Variants in CCDC85C observed in about 807,000 individuals in gnomAD.
The protein encoded by CCDC85C is coiled-coil domain-containing protein 85C.
Under a neutral mutation model 38.3 loss-of-function variants are expected in CCDC85C, and 18 were observed. The ratio of observed to expected loss-of-function variants is 0.47; its 90% CI spans 0.33 to 0.70. The LOEUF (loss-of-function observed/expected upper bound fraction) is 0.70. CCDC85C is among the 30% of genes least tolerant of loss of function. CCDC85C has a pLI of 0.03. For synonymous variants in CCDC85C, 264 were observed against 293.8 expected (o/e 0.90, Z 1.04); for missense variants, 566 against 621.2 (o/e 0.91, Z 0.94).
At chr14:99,537,487 C>T (rs541509557) in intron 1 of CCDC85C, among the ~76,000 whole-genome samples, 2 of 152,134 alleles carry the variant, frequency 1.3e-5, no homozygotes, top group Non-Finnish European at 2.9e-5. Context: ...AGCCCTGGAC[C>T]AGGCCTAGGG....
chr14:99,586,476 G>C (rs1406229191), intron 1 of CCDC85C, among the ~76,000 whole-genome samples: 1 of 152,222 alleles, frequency 6.6e-6, no homozygotes, highest in Non-Finnish European at 1.5e-5. Flanking sequence ...ACTTGTCTGA[G>C]CACCACACTA....
In CCDC85C at chr14:99,603,660, C is replaced by T. The variant is rs1465927055; in HGVS notation, c.300G>A (p.Lys100=). ...CGAAGCGCTGCCACTCGCGCGCCAGCTTGCGCCCCTTCTGCCGGTCGTCGT... is the reference window on the plus strand; with the variant it reads ...CGAAGCGCTGCCACTCGCGCGCCAGTTTGCGCCCCTTCTGCCGGTCGTCGT... ...FLDDDRQKGR[K]LAREWQRFGR... The change falls in exon 1 of 6, where the codon AAG becomes AAA. Residue 100 remains lysine (K), a synonymous_variant. Coordinates refer to ENST00000380243, the MANE Select transcript of CCDC85C (RefSeq NM_001144995.2). This position sits in a 1 kb window ranked among gnomAD's most constrained non-coding sequence, Gnocchi z 7.5. 1 of 1,490,342 alleles carries T rather than the reference C, an allele frequency of 6.7e-7. No individual in the cohort carries two copies. The highest frequency in any genetic ancestry group is 8.9e-7 in the Non-Finnish European group (1 of 1,121,860). The allele number at this position is 1,490,342 out of a possible 1,614,324, so 92.3% of individuals were successfully genotyped here. A position where few individuals can be genotyped will look rare whatever the true frequency, so the allele number is the denominator to read the frequency against.
At chr14:99,599,032 C>A (rs1310999747) in intron 1 of CCDC85C, among the ~76,000 whole-genome samples, 4 of 152,118 alleles carry the variant, frequency 2.6e-5, no homozygotes, top group African/African-American at 9.7e-5. Context: ...TAACCCACCC[C>A]ATTGTCTTCA....
chr14:99,573,804 C>G (rs1013058994), intron 1 of CCDC85C, among the ~76,000 whole-genome samples: 1 of 152,192 alleles, frequency 6.6e-6, no homozygotes, highest in Admixed American at 6.5e-5. Context: ...ACAACCCACC[C>G]AATCCCTCTG....
intron 2 of CCDC85C, among the ~76,000 whole-genome samples, chr14:99,523,400 C>T (rs1897328751): frequency 6.6e-6 from 1 of 152,106 alleles, no homozygotes; most frequent in Non-Finnish European, 1.5e-5. Context: ...CTCCCAGCCC[C>T]ATCAGAGCCC....
chr14:99,603,423 G>A lies in CCDC85C; in HGVS notation c.537C>T (p.Ser179=). 1 of 1,266,874 alleles carries A rather than the reference G, an allele frequency of 7.9e-7. No individual in the cohort carries two copies. Among genetic ancestry groups the A allele is most frequent in the Non-Finnish European group, 9.9e-7 (1 of 1,009,938 alleles). 78.5% of individuals were successfully genotyped at this position (1,266,874 alleles called of 1,614,324 possible). A position where few individuals can be genotyped will look rare whatever the true frequency, so the allele number is the denominator to read the frequency against. Residue 179 remains serine (S), a synonymous_variant, in exon 1 of 6, where the codon TCC becomes TCT. Transcript: ENST00000380243. This position sits in a 1 kb window ranked among gnomAD's most constrained non-coding sequence, Gnocchi z 7.5. ...GGGGGAGSRS[S]IDSQASLSGP... ...CGCTCAGGCTGGCCTGGCTGTCGAT[G>A]GAGCTGCGGGAGCCGGCGCCGCCCC...
chr14:99,546,832 T>C (rs143166409), intron 1 of CCDC85C, among the ~76,000 whole-genome samples: 3,482 of 152,088 alleles, frequency 0.023, 64 homozygotes, highest in Non-Finnish European at 0.029. Context: ...CCTCACACCA[T>C]ATACAGAAAA....
chr14:99,591,875 C>T (rs1417808166), intron 1 of CCDC85C, among the ~76,000 whole-genome samples: 1 of 152,016 alleles, frequency 6.6e-6, no homozygotes, highest in East Asian at 1.9e-4. Flanking sequence ...ACTGGGATTA[C>T]AGGCATGTAC....
Position 99,535,814 on chromosome 14 carries a change from A to G in CCDC85C, c.867+201T>C, listed in dbSNP as rs1384430246. Among the ~76,000 whole-genome samples, 1 of 152,160 alleles carries G rather than the reference A, an allele frequency of 6.6e-6. No homozygotes were observed. Among genetic ancestry groups the G allele is most frequent in the African/African-American group, 2.4e-5 (1 of 41,444 alleles). ...GGAGCTCGCATACTGGGCAGTCAGC[A>G]TGGAAGGTTGGGCAGAGGGAAGCCC... is the stretch of plus-strand genomic sequence containing the variant. On this transcript the variant is annotated intron_variant, in intron 2 of 5. Transcript: ENST00000380243. This position sits in a 1 kb window ranked among gnomAD's most constrained non-coding sequence, Gnocchi z 5.5.
In CCDC85C at chr14:99,522,201, A is replaced by G. The variant is rs1897312452; in HGVS notation, c.907T>C (p.Phe303Leu). The G allele has an allele frequency of 6.4e-7, 1 of 1,550,688 alleles. No individual in the cohort carries two copies. Among genetic ancestry groups the G allele is most frequent in the East Asian group, 2.4e-5 (1 of 40,898 alleles). ...SGEFRTLRKGFSPYHSESQLA... is the reference protein window; with the variant it reads ...SGEFRTLRKGLSPYHSESQLA... ...TGGGACTCCGAGTGGTAGGGCGAGAAGCCTTTCCGCAGCGTGCGGAACTCT... is the reference window on the plus strand; with the variant it reads ...TGGGACTCCGAGTGGTAGGGCGAGAGGCCTTTCCGCAGCGTGCGGAACTCT... Residue 303 changes from phenylalanine to leucine, a missense_variant, in exon 3 of 6, where the codon TTC becomes CTC. Physicochemically the swap from Phe to Leu is conservative, Grantham distance 22. Around this residue, in one of 3 missense-constraint regions of CCDC85C, gnomAD observed 286 missense variants for 276.4 expected, o/e 1.03. Coordinates refer to ENST00000380243, the MANE Select transcript of CCDC85C (RefSeq NM_001144995.2).
Position 99,572,133 on chromosome 14 carries a change from C to T in CCDC85C, c.793+31034G>A, listed in dbSNP as rs1323038655. 6.6e-6 allele frequency among the ~76,000 whole-genome samples: 1 copy of T among 152,186 alleles called. No homozygotes were observed. The highest frequency in any genetic ancestry group is 1.5e-5 in the Non-Finnish European group (1 of 68,024). On this transcript the variant is annotated intron_variant, in intron 1 of 5. Transcript: ENST00000380243. This position sits in a 1 kb window ranked among gnomAD's most constrained non-coding sequence, Gnocchi z 4.4. ...CGGCAAGGGCCAGATTCCCCACATA[C>T]CCTCCCAAGCCTGAGGGCTCAAATT...
Position 99,558,596 on chromosome 14 carries a change from G to A in CCDC85C, c.794-22508C>T, listed in dbSNP as rs1239083943. ...AGATTGTGCCACTGCACTCCAGCCT[G>A]GAGATAGAGCGAGACTCTGTCTCAA... is the stretch of plus-strand genomic sequence containing the variant. On this transcript the variant is annotated intron_variant, in intron 1 of 5. Coordinates refer to ENST00000380243, the MANE Select transcript of CCDC85C (RefSeq NM_001144995.2). The surrounding 1 kb of genome is among the most constrained non-coding windows in gnomAD (Gnocchi z 4.2). 2.0e-5 allele frequency among the ~76,000 whole-genome samples: 3 copies of A among 152,216 alleles called. No homozygotes were observed. Among genetic ancestry groups the A allele is most frequent in the Non-Finnish European group, 2.9e-5 (2 of 68,042 alleles).
At chr14:99,600,545 G>A (rs745775185) in intron 1 of CCDC85C, among the ~76,000 whole-genome samples, 15 of 152,174 alleles carry the variant, frequency 9.9e-5, no homozygotes, top group Non-Finnish European at 1.9e-4. Flanking sequence ...CATGACAACA[G>A]ACCAAGGGCA....
At chr14:99,518,750 C>A (rs961778794) in intron 3 of CCDC85C, among the ~76,000 whole-genome samples, 2 of 152,312 alleles carry the variant, frequency 1.3e-5, no homozygotes, top group South Asian at 2.1e-4. Flanking sequence ...CCTGTTACAG[C>A]CCCCGGCTCT....
chr14:99,515,638 C>G (rs570704876), intron 5 of CCDC85C, among the ~76,000 whole-genome samples: 1 of 152,076 alleles, frequency 6.6e-6, no homozygotes, highest in Non-Finnish European at 1.5e-5. Flanking sequence ...TCTCGCCCCC[C>G]CTTTAAGTCC....
intron 1 of CCDC85C, among the ~76,000 whole-genome samples, chr14:99,583,311 CCTGA>C (rs2054993187): frequency 6.6e-6 from 1 of 150,652 alleles, no homozygotes; most frequent in Non-Finnish European, 1.5e-5. Context: ...TTGTGACCAG[CCTGA>C]CTAACATGGT....
intron 1 of CCDC85C, among the ~76,000 whole-genome samples, chr14:99,562,281 C>T (rs1426259288): frequency 1.3e-5 from 2 of 152,172 alleles, no homozygotes; most frequent in Non-Finnish European, 2.9e-5. Context: ...CTGCCCATCA[C>T]CTTGGCTCCT....
At position 99,535,595 on chromosome 14, in the gene CCDC85C, G is replaced by A. The variant is rs972256764; in HGVS notation, c.867+420C>T. On this transcript the variant is annotated intron_variant, in intron 2 of 5. Transcript: ENST00000380243. This position sits in a 1 kb window ranked among gnomAD's most constrained non-coding sequence, Gnocchi z 5.5. ...CTCATCTGTCTGTGGGTGAGGTCGG[G>A]CCCAGGAGGGAGGAGGGGAACCCAG... Among the ~76,000 whole-genome samples, 4 of 152,146 alleles carry A rather than the reference G, an allele frequency of 2.6e-5. No homozygotes were observed. The highest frequency in any genetic ancestry group is 5.9e-5 in the Non-Finnish European group (4 of 68,010).
chr14:99,594,680 G>A (rs1315551338), intron 1 of CCDC85C, among the ~76,000 whole-genome samples: 1 of 152,208 alleles, frequency 6.6e-6, no homozygotes, highest in African/African-American at 2.4e-5. Context: ...CAGAAGAGAT[G>A]AGGGTCCCTG....
Sources: allele counts gnomAD v4.1 joint callset (sites outside exome capture counted in the v4.1 genomes callset), GRCh38; gene constraint gnomAD v4.1.1; regional missense constraint gnomAD v4.1.1; non-coding constraint Gnocchi (gnomAD v3.1); transcripts MANE v1.5; gene names NCBI Gene and HGNC (gene_info 2026-07-23, HGNC 2026-07-21).